MSI2: variants seen among roughly 807,000 people sequenced by gnomAD.
MSI2 encodes RNA-binding protein Musashi homolog 2.
A neutral mutation model predicts 45.6 loss-of-function variants in MSI2; 17 were observed. The observed-to-expected ratio is 0.37, with a 90% CI of 0.26 to 0.56. MSI2 has a LOEUF of 0.56. Ranked by LOEUF, MSI2 falls within the 20% of genes least tolerant of loss-of-function variation. The probability of loss-of-function intolerance (pLI) is 0.77; values close to 1 mark genes in which losing one functional copy is unlikely to be tolerated. For missense variants in MSI2, 293 were observed against 444.2 expected, an observed-to-expected ratio of 0.66 and a Z score of 3.06; for synonymous variants, 156 against 158.2, an observed-to-expected ratio of 0.99 and a Z score of 0.11.
intron 6 of MSI2, among the ~76,000 whole-genome samples, chr17:57,496,566 G>T (rs2085983588): frequency 6.6e-6 from 1 of 152,210 alleles, no homozygotes; most frequent in South Asian, 2.1e-4. Context: ...TTTGGTCAAA[G>T]CCAGGTGTCT....
intron 5 of MSI2, among the ~76,000 whole-genome samples, chr17:57,271,383 G>A (rs894770867): frequency 1.3e-5 from 2 of 152,132 alleles, no homozygotes; most frequent in East Asian, 3.8e-4. Context: ...GAGCAGCCAA[G>A]GAGCGGGGGT....
chr17:57,605,311 A>T (rs1906430785), intron 8 of MSI2, among the ~76,000 whole-genome samples: 1 of 152,074 alleles, frequency 6.6e-6, no homozygotes, highest in Non-Finnish European at 1.5e-5. Flanking sequence ...TTCGGTGGTA[A>T]ATGTTTGTTG....
At chr17:57,416,583 G>A (rs2084298441) in intron 6 of MSI2, among the ~76,000 whole-genome samples, 1 of 152,210 alleles carries the variant, frequency 6.6e-6, no homozygotes, top group Admixed American at 6.5e-5. Flanking sequence ...CTTGACAAGG[G>A]TGTGTCCGCC....
intron 7 of MSI2, among the ~76,000 whole-genome samples, chr17:57,570,055 G>A (rs1000798670): frequency 4.6e-5 from 7 of 152,170 alleles, no homozygotes; most frequent in Non-Finnish European, 7.3e-5. Context: ...ATTATGGGAC[G>A]CTCATATGAT....
chr17:57,392,005 G>A (rs556276001), intron 5 of MSI2, among the ~76,000 whole-genome samples: 3 of 152,314 alleles, frequency 2.0e-5, no homozygotes, highest in African/African-American at 7.2e-5. Flanking sequence ...GGGGGGCAGC[G>A]GCTCCCAGAG....
At chr17:57,613,240 CTT>C (rs1165747698) in intron 8 of MSI2, among the ~76,000 whole-genome samples, 1 of 152,144 alleles carries the variant, frequency 6.6e-6, no homozygotes, top group Non-Finnish European at 1.5e-5. Context: ...TTTAGTATGT[CTT>C]TTCAGTATTT....
At chr17:57,557,394 G>A (rs1357851363) in intron 7 of MSI2, among the ~76,000 whole-genome samples, 1 of 152,250 alleles carries the variant, frequency 6.6e-6, no homozygotes, top group East Asian at 1.9e-4. Context: ...GGAGTCTTCA[G>A]GGTCTGCCCC....
intron 2 of MSI2, 109 bp downstream of exon 2, chr17:57,257,247 TCTC>T (rs1906867326): frequency 8.6e-6 from 4 of 462,880 alleles, no homozygotes; most frequent in East Asian, 5.3e-5. Context: ...GCTCCCCACT[TCTC>T]CTGTGCAAGG....
At position 57,459,010 on chromosome 17, in the gene MSI2, A is replaced by G. The variant is rs138425342; in HGVS notation, c.405+57539A>G. The stretch of plus-strand genomic sequence containing the variant: ...TGGTTGTTTTGCTGCGTCGCTCGGA[A>G]GAATGCCTCCCTCTTTGTAAGAGCT... On this transcript the variant is annotated intron_variant, in intron 6 of 13. Transcript: ENST00000284073. Among the ~76,000 whole-genome samples, 378 of 152,372 alleles carry G rather than the reference A, an allele frequency of 2.5e-3. 1 individual carries two copies. Among genetic ancestry groups the G allele is most frequent in the African/African-American group, 8.6e-3 (357 of 41,590 alleles).
chr17:57,421,246 G>A (rs1450794710), intron 6 of MSI2, among the ~76,000 whole-genome samples: 1 of 152,088 alleles, frequency 6.6e-6, no homozygotes, highest in African/African-American at 2.4e-5. Context: ...ACGCTTAATG[G>A]CCCCGTGGCA....
intron 6 of MSI2, among the ~76,000 whole-genome samples, chr17:57,494,083 C>A (rs140054850): frequency 6.6e-6 from 1 of 152,114 alleles, no homozygotes; most frequent in African/African-American, 2.4e-5. Context: ...TCACAACTAC[C>A]GGGTGCGATA....
intron 5 of MSI2, among the ~76,000 whole-genome samples, chr17:57,335,072 A>G (rs1173683592): frequency 2.0e-5 from 3 of 151,708 alleles, no homozygotes; most frequent in Non-Finnish European, 4.4e-5. Flanking sequence ...TTTCATGACT[A>G]TTTTTTTGCA....
rs200593685 is a variant in MSI2 at position 57,262,137 on chromosome 17, A to G, written c.271-14A>G. 7.8e-5 allele frequency: 125 copies of G among 1,612,380 alleles called. No individual in the cohort carries two copies. In the African/African-American group the frequency reaches 8.4e-4, roughly 11 times the overall value. On this transcript the variant is annotated splice_polypyrimidine_tract_variant and intron_variant, in intron 4 of 13. Coordinates refer to ENST00000284073, the MANE Select transcript of MSI2 (RefSeq NM_138962.4). Reference sequence around the variant, plus strand: ...GTACTTTATTGACTCCTGCTTTTCTATTTTTTTTCCCAGATTGACCCCAAA... The same window carrying G: ...GTACTTTATTGACTCCTGCTTTTCTGTTTTTTTTCCCAGATTGACCCCAAA...
In MSI2 at chr17:57,257,640, G is replaced by C. The variant is rs1468125339; in HGVS notation, c.185+93G>C. 8 of 912,276 alleles carry C rather than the reference G, an allele frequency of 8.8e-6. No individual in the cohort carries two copies. The East Asian group carries it at 1.8e-4, about 20-fold the overall frequency. The allele number at this position is 912,276 out of a possible 1,614,324, so 56.5% of individuals were successfully genotyped here. On this transcript the variant is annotated intron_variant, in intron 3 of 13. Coordinates refer to ENST00000284073, the MANE Select transcript of MSI2 (RefSeq NM_138962.4). ...TCTTCGGAAGTAGCTAAGCGGATTA[G>C]AATGGGGCTCAGGCGCGTGGCTGAT...
At chr17:57,321,535 C>T (rs1001533007) in intron 5 of MSI2, among the ~76,000 whole-genome samples, 5 of 152,162 alleles carry the variant, frequency 3.3e-5, no homozygotes, top group African/African-American at 1.2e-4. Context: ...TCTGTTGCAC[C>T]AGAATCCATG....
chr17:57,474,968 T>C (rs1167734568), intron 6 of MSI2, among the ~76,000 whole-genome samples: 1 of 152,176 alleles, frequency 6.6e-6, no homozygotes, highest in Non-Finnish European at 1.5e-5. Flanking sequence ...GTGATCTGCC[T>C]GCCTCGGCAT....
At chr17:57,503,997 G>A (rs1456176466) in intron 6 of MSI2, among the ~76,000 whole-genome samples, 2 of 152,200 alleles carry the variant, frequency 1.3e-5, no homozygotes, top group Non-Finnish European at 2.9e-5. Context: ...GCCTCCCAGA[G>A]TGCTGGGATT....
chr17:57,674,923 A>G, intron 11 of MSI2, 49 bp from the exon 12 acceptor site: 1 of 1,609,072 alleles, frequency 6.2e-7, no homozygotes. Context: ...ACCAGTCCTG[A>G]ATAGCTACAG....
intron 5 of MSI2, among the ~76,000 whole-genome samples, chr17:57,262,988 T>G (rs1907457581): frequency 6.6e-6 from 1 of 152,246 alleles, no homozygotes; most frequent in South Asian, 2.1e-4. Flanking sequence ...CTTCCTTATG[T>G]AGCACTGGAA....
Sources: allele counts gnomAD v4.1 joint callset (sites outside exome capture counted in the v4.1 genomes callset), GRCh38; gene constraint gnomAD v4.1.1; transcripts MANE v1.5; gene names NCBI Gene and HGNC (gene_info 2026-07-23, HGNC 2026-07-21).